The following SLC4A5 variants were observed in gnomAD, a reference collection of about 807,000 sequenced individuals.
The protein encoded by SLC4A5 is solute carrier family 4 member 5, also known as electrogenic sodium bicarbonate cotransporter 4.
Under a neutral mutation model 120.4 loss-of-function variants are expected in SLC4A5, and 96 were observed. The ratio of observed to expected loss-of-function variants is 0.80; its 90% CI spans 0.68 to 0.94. The LOEUF is 0.94. Among genes scored for constraint, SLC4A5 ranks in the 40% least tolerant of loss-of-function variants. SLC4A5 has a pLI of 0.00. For missense variants in SLC4A5, 1,259 were observed against 1,459.5 expected, an observed-to-expected ratio of 0.86 and a Z score of 2.24; for synonymous variants, 550 against 571.1, an observed-to-expected ratio of 0.96 and a Z score of 0.53.
At chr2:74,268,530 G>C (rs1671375788) in intron 8 of SLC4A5, among the ~76,000 whole-genome samples, 1 of 152,218 alleles carries the variant, frequency 6.6e-6, no homozygotes, top group Admixed American at 6.5e-5. Flanking sequence ...TAGACATTCA[G>C]ATTATTTCTA....
chr2:74,264,140 G>A lies in SLC4A5; in HGVS notation c.715+7C>T. ...TCCCATGCCTACCAGCGTAAGGCCT[G>A]ACTCACTTGTGGTGGAGACTGACTT... On this transcript the variant is annotated splice_region_variant and intron_variant, in intron 10 of 30. Transcript: ENST00000394019. 13 of 1,612,848 alleles carry A rather than the reference G, an allele frequency of 8.1e-6. No homozygotes were observed. The highest frequency in any genetic ancestry group is 1.1e-5 in the Non-Finnish European group (13 of 1,179,424).
rs145061020 is a variant in SLC4A5 at position 74,319,808 on chromosome 2, C to A, written c.-2-4783G>T. On this transcript the variant is annotated intron_variant, in intron 5 of 30. Coordinates refer to ENST00000394019, the Ensembl canonical transcript of SLC4A5. ...GCATTTTGGTTTCATTTGGTCTCAC[C>A]TGACCATCTAAACCTTACTCTCCTC... Among the ~76,000 whole-genome samples the A allele has an allele frequency of 1.7e-3, 254 of 152,220 alleles. 3 individuals carry two copies. Among genetic ancestry groups the A allele is most frequent in the East Asian group, 9.8e-3 (51 of 5,182 alleles).
At chr2:74,331,322 G>A (rs1200608628) in intron 4 of SLC4A5, among the ~76,000 whole-genome samples, 1 of 151,616 alleles carries the variant, frequency 6.6e-6, no homozygotes, top group East Asian at 1.9e-4. Flanking sequence ...GTGTGGTTTA[G>A]GTGTAGGTGG....
intron 5 of SLC4A5, among the ~76,000 whole-genome samples, chr2:74,324,545 G>A (rs771115707): frequency 2.0e-5 from 3 of 152,094 alleles, no homozygotes; most frequent in Non-Finnish European, 4.4e-5. Flanking sequence ...CTGATCCAGG[G>A]ACCACATTTA....
At chr2:74,226,526 G>A (rs1029509007) in intron 27 of SLC4A5, among the ~76,000 whole-genome samples, 11 of 151,978 alleles carry the variant, frequency 7.2e-5, no homozygotes, top group African/African-American at 2.2e-4. Flanking sequence ...TCTGACCCTC[G>A]TTCTTCCCCT....
chr2:74,235,590 A>G (rs1670243227), intron 21 of SLC4A5, among the ~76,000 whole-genome samples: 1 of 152,222 alleles, frequency 6.6e-6, no homozygotes, highest in Non-Finnish European at 1.5e-5. Flanking sequence ...TGGGGCACCC[A>G]GCAGGTATGA....
chr2:74,282,377 A>C (rs1671840819), intron 8 of SLC4A5, among the ~76,000 whole-genome samples: 1 of 152,170 alleles, frequency 6.6e-6, no homozygotes, highest in Admixed American at 6.5e-5. Context: ...ATCTGCCTAG[A>C]ATTGGGTTCG....
chr2:74,278,835 T>A (rs1436663224), intron 8 of SLC4A5, among the ~76,000 whole-genome samples: 3 of 152,208 alleles, frequency 2.0e-5, no homozygotes, highest in East Asian at 1.9e-4. Flanking sequence ...TAAATCTCCA[T>A]GTGTGACTCC....
intron 25 of SLC4A5, among the ~76,000 whole-genome samples, chr2:74,228,608 C>T (rs1335365693): frequency 6.6e-6 from 1 of 151,668 alleles, no homozygotes; most frequent in Non-Finnish European, 1.5e-5. Flanking sequence ...CCAGCCTGGG[C>T]GAAAGAGACT....
exon 25 of SLC4A5, chr2:74,231,299 T>C (rs1236034178): frequency 9.9e-6 from 16 of 1,611,106 alleles, no homozygotes; most frequent in Non-Finnish European, 1.3e-5. Context: ...TGCCGGTTAC[T>C]CTCTGTTCCC....
chr2:74,227,751 G>A, intron 26 of SLC4A5, 59 bp downstream of exon 26: 3 of 1,465,072 alleles, frequency 2.0e-6, no homozygotes, highest in Non-Finnish European at 2.8e-6. Flanking sequence ...TTGGTGACAT[G>A]GAACCAGACA....
intron 26 of SLC4A5, 140 bp from the exon 27 acceptor site, chr2:74,227,270 G>T (rs1053408119): frequency 3.8e-6 from 4 of 1,043,032 alleles, no homozygotes; most frequent in Admixed American, 2.8e-5. Flanking sequence ...ACGGGAGGGG[G>T]GCTGGAGGTG....
chr2:74,293,580 G>A (rs1438876304), intron 7 of SLC4A5, among the ~76,000 whole-genome samples: 1 of 152,222 alleles, frequency 6.6e-6, no homozygotes, highest in East Asian at 1.9e-4. Context: ...AAGAGAGGAA[G>A]CAGCCTAGAG....
At chr2:74,294,168 G>A (rs999028536) in intron 7 of SLC4A5, among the ~76,000 whole-genome samples, 1 of 152,140 alleles carries the variant, frequency 6.6e-6, no homozygotes, top group Non-Finnish European at 1.5e-5. Flanking sequence ...CTCAGTCAAG[G>A]CTAGCTGAGA....
chr2:74,275,056 C>G (rs996997007), intron 8 of SLC4A5, among the ~76,000 whole-genome samples: 1 of 152,196 alleles, frequency 6.6e-6, no homozygotes. Context: ...GAATGAAAGT[C>G]TTTCCTTTTG....
At chr2:74,252,853 G>A (rs1670835356) in intron 15 of SLC4A5, 121 bp downstream of exon 15, 2 of 1,209,916 alleles carry the variant, frequency 1.7e-6, no homozygotes, top group Non-Finnish European at 2.3e-6. Context: ...ATCCCAAAGT[G>A]TTGAGATTAC....
At chr2:74,318,234 T>C (rs1390388484) in intron 5 of SLC4A5, among the ~76,000 whole-genome samples, 1 of 151,694 alleles carries the variant, frequency 6.6e-6, no homozygotes, top group Non-Finnish European at 1.5e-5. Flanking sequence ...ATAACCCCAT[T>C]AAAAAGTGGG....
At chr2:74,269,726 T>C (rs1357771896) in intron 8 of SLC4A5, among the ~76,000 whole-genome samples, 1 of 152,220 alleles carries the variant, frequency 6.6e-6, no homozygotes, top group Admixed American at 6.5e-5. Context: ...TGTGGCCCAG[T>C]GCATGGGGCC....
At chr2:74,298,778 G>C (rs1032827644) in intron 7 of SLC4A5, among the ~76,000 whole-genome samples, 1 of 152,180 alleles carries the variant, frequency 6.6e-6, no homozygotes, top group African/African-American at 2.4e-5. Context: ...AGATACAGTG[G>C]CATGTGCCTG....
Sources: allele counts gnomAD v4.1 joint callset (sites outside exome capture counted in the v4.1 genomes callset), GRCh38; gene constraint gnomAD v4.1.1; transcripts MANE v1.5; gene names NCBI Gene and HGNC (gene_info 2026-07-23, HGNC 2026-07-21).